PRDM5: variants seen among roughly 807,000 people sequenced by gnomAD.
PRDM5 encodes PR domain zinc finger protein 5.
In PRDM5, 56 loss-of-function variants were observed where a neutral mutation model predicts 81.2. The observed-to-expected ratio is 0.69, with a 90% CI of 0.56 to 0.86. PRDM5 has a LOEUF of 0.86. Ranked by LOEUF, PRDM5 falls within the 40% of genes least tolerant of loss-of-function variation. The probability of loss-of-function intolerance (pLI) is 0.00; values close to 1 mark genes in which losing one functional copy is unlikely to be tolerated. For synonymous variants in PRDM5, 267 were observed against 256.4 expected (o/e 1.04, Z -0.39); for missense variants, 697 against 770.1 (o/e 0.91, Z 1.12).
At chr4:120,715,875 G>C (rs1020725126) in intron 14 of PRDM5, among the ~76,000 whole-genome samples, 7 of 152,102 alleles carry the variant, frequency 4.6e-5, no homozygotes, top group South Asian at 4.1e-4. Flanking sequence ...GGGAAGAAAA[G>C]GCAATGAAAA....
intron 10 of PRDM5, among the ~76,000 whole-genome samples, chr4:120,796,828 A>G (rs1216250288): frequency 1.3e-5 from 2 of 152,190 alleles, no homozygotes; most frequent in Non-Finnish European, 2.9e-5. Flanking sequence ...TATCCCATAA[A>G]TATTATAATA....
chr4:120,708,947 T>C (rs559122530), intron 15 of PRDM5, among the ~76,000 whole-genome samples: 1 of 152,218 alleles, frequency 6.6e-6, no homozygotes, highest in South Asian at 2.1e-4. Flanking sequence ...AATATGGATC[T>C]CTACACAGCA....
chr4:120,851,911 C>T (rs1759316581), intron 3 of PRDM5, among the ~76,000 whole-genome samples: 1 of 152,134 alleles, frequency 6.6e-6, no homozygotes, highest in Non-Finnish European at 1.5e-5. Flanking sequence ...CTGTTCATGT[C>T]TTATTCTTTT....
At chr4:120,909,282 C>T (rs1766205082) in intron 1 of PRDM5, among the ~76,000 whole-genome samples, 1 of 152,160 alleles carries the variant, frequency 6.6e-6, no homozygotes, top group African/African-American at 2.4e-5. Context: ...CTGAGGCCAC[C>T]TGATGCCACC....
intron 13 of PRDM5, among the ~76,000 whole-genome samples, chr4:120,770,064 G>A (rs1747028622): frequency 1.3e-5 from 2 of 151,948 alleles, no homozygotes; most frequent in South Asian, 2.1e-4. Flanking sequence ...GTGGAGTCTC[G>A]TTCTGTCGCC....
At chr4:120,780,872 T>C (rs1451536262) in intron 12 of PRDM5, among the ~76,000 whole-genome samples, 1 of 152,150 alleles carries the variant, frequency 6.6e-6, no homozygotes, top group East Asian at 1.9e-4. Context: ...CTCCTGCTCA[T>C]TGAGTACTTT....
intron 13 of PRDM5, among the ~76,000 whole-genome samples, chr4:120,770,386 C>G (rs1747095111): frequency 6.6e-6 from 1 of 151,750 alleles, no homozygotes; most frequent in Admixed American, 6.6e-5. Flanking sequence ...AAGAATAGTA[C>G]AGTGGACACT....
At position 120,808,985 on chromosome 4, in the gene PRDM5, G is replaced by A. The variant is rs923003796; in HGVS notation, c.945+2385C>T. ...CTGGCAAGCTGAGGGAGCCGGCTCC[G>A]GCCTTGTCCAGCCCAGAAGGGGGCT... On this transcript the variant is annotated intron_variant, in intron 8 of 15. Transcript: ENST00000264808. 5.9e-5 allele frequency among the ~76,000 whole-genome samples: 9 copies of A among 152,316 alleles called. No homozygotes were observed. The South Asian group carries it at 8.3e-4, about 14-fold the overall frequency.
Position 120,694,964 on chromosome 4 carries a change from G to T in PRDM5, c.*147C>A. 8 of 889,752 alleles carry T rather than the reference G, an allele frequency of 9.0e-6. No homozygotes were observed. The highest frequency in any genetic ancestry group is 2.9e-5 in the South Asian group (2 of 68,132). The allele number at this position is 889,752 out of a possible 1,614,324, so 55.1% of individuals were successfully genotyped here. A position where few individuals can be genotyped will look rare whatever the true frequency, so the allele number is the denominator to read the frequency against. ...GTAAGACTTTTTTTTGGTTGCATAT[G>T]CATCTACAGACTCTAAATGTAGGCA... On this transcript the variant is annotated 3_prime_UTR_variant, in exon 16 of 16. Coordinates refer to ENST00000264808, the MANE Select transcript of PRDM5 (RefSeq NM_018699.4).
chr4:120,695,021 T>G lies in PRDM5; in HGVS notation c.*90A>C. On this transcript the variant is annotated 3_prime_UTR_variant, in exon 16 of 16. Transcript: ENST00000264808. Reference sequence around the variant, plus strand: ...AACTATGAGACCAGTAAGTCACTTTTGGCTACTTCTGTTATGCTGATCAGG... The same window carrying G: ...AACTATGAGACCAGTAAGTCACTTTGGGCTACTTCTGTTATGCTGATCAGG... 6.9e-7 allele frequency: 1 copy of G among 1,445,772 alleles called. No individual in the cohort carries two copies. Among genetic ancestry groups the G allele is most frequent in the East Asian group, 2.3e-5 (1 of 43,936 alleles). 89.6% of individuals were successfully genotyped at this position (1,445,772 alleles called of 1,614,324 possible).
At chr4:120,781,004 G>T in intron 12 of PRDM5, 139 bp downstream of exon 12, 1 of 782,756 alleles carries the variant, frequency 1.3e-6, no homozygotes, top group Non-Finnish European at 2.0e-6. Flanking sequence ...TGTCTGAAGA[G>T]CTGATATAAA....
intron 3 of PRDM5, among the ~76,000 whole-genome samples, chr4:120,849,234 C>T (rs1158432810): frequency 6.6e-6 from 1 of 152,080 alleles, no homozygotes; most frequent in Non-Finnish European, 1.5e-5. Context: ...AACAAAGTTG[C>T]TTCTCTCTTT....
Position 120,786,720 on chromosome 4 carries a change from G to T in PRDM5, c.1189-1629C>A, listed in dbSNP as rs191936230. Among the ~76,000 whole-genome samples the T allele has an allele frequency of 5.8e-4, 89 of 152,232 alleles. 3 individuals are homozygous for T. In the East Asian group the frequency reaches 0.017, roughly 28 times the overall value. ...AGCAAGGTAAACCAGACATTGAAAT[G>T]ACAGAAATAAACTTAAAGCTCCAAA... On this transcript the variant is annotated intron_variant, in intron 10 of 15. Transcript: ENST00000264808.
chr4:120,716,617 G>T (rs1188179072), intron 14 of PRDM5, among the ~76,000 whole-genome samples: 2 of 152,146 alleles, frequency 1.3e-5, no homozygotes, highest in African/African-American at 4.8e-5. Flanking sequence ...CACTATTCCT[G>T]AAGATATCAC....
At chr4:120,775,004 A>G (rs1400311632) in intron 13 of PRDM5, among the ~76,000 whole-genome samples, 1 of 150,114 alleles carries the variant, frequency 6.7e-6, no homozygotes, top group Non-Finnish European at 1.5e-5. Flanking sequence ...ATATATATAC[A>G]CAAACACATA....
In PRDM5 at chr4:120,843,705, G is replaced by A. The variant is rs144715730; in HGVS notation, c.300+9713C>T. Among the ~76,000 whole-genome samples the A allele has an allele frequency of 2.2e-3, 333 of 149,234 alleles. 1 individual carries two copies. Among genetic ancestry groups the A allele is most frequent in the African/African-American group, 7.5e-3 (305 of 40,718 alleles). On this transcript the variant is annotated intron_variant, in intron 3 of 15. Coordinates refer to ENST00000264808, the MANE Select transcript of PRDM5 (RefSeq NM_018699.4). ...GGCCTTAAAAAAAAAAAAAAAAGAAGAAGAAAAGAAAATAAAGAAAGAATC... is the reference window on the plus strand; with the variant it reads ...GGCCTTAAAAAAAAAAAAAAAAGAAAAAGAAAAGAAAATAAAGAAAGAATC...
intron 2 of PRDM5, among the ~76,000 whole-genome samples, chr4:120,855,758 CA>C (rs1293788074): frequency 6.6e-6 from 1 of 152,174 alleles, no homozygotes; most frequent in South Asian, 2.1e-4. Context: ...AAAATTTTCT[CA>C]GTAGAATTGA....
intron 14 of PRDM5, among the ~76,000 whole-genome samples, chr4:120,719,665 T>C (rs1204846659): frequency 2.0e-5 from 3 of 152,142 alleles, no homozygotes; most frequent in African/African-American, 7.2e-5. Context: ...ATTTTACATA[T>C]AAAAATTCAA....
intron 14 of PRDM5, among the ~76,000 whole-genome samples, chr4:120,718,299 C>T (rs1005156355): frequency 6.6e-6 from 1 of 152,172 alleles, no homozygotes; most frequent in Non-Finnish European, 1.5e-5. Flanking sequence ...GTCTTTGTCT[C>T]TCTCTCACAC....
Sources: allele counts gnomAD v4.1 joint callset (sites outside exome capture counted in the v4.1 genomes callset), GRCh38; gene constraint gnomAD v4.1.1; transcripts MANE v1.5; gene names NCBI Gene and HGNC (gene_info 2026-07-23, HGNC 2026-07-21).